GPCPD1: variants seen among roughly 807,000 people sequenced by gnomAD.
The protein encoded by GPCPD1 is glycerophosphocholine phosphodiesterase GPCPD1.
A neutral mutation model predicts 89.2 loss-of-function variants in GPCPD1; 29 were observed. That is an observed-to-expected ratio of 0.33 (90% confidence interval 0.24 to 0.44). GPCPD1 has a LOEUF of 0.44. GPCPD1 is among the 20% of genes least tolerant of loss of function. GPCPD1 has a pLI of 1.00. For missense variants in GPCPD1, 594 were observed against 808.9 expected, an observed-to-expected ratio of 0.73 and a Z score of 3.22; for synonymous variants, 258 against 266.3, an observed-to-expected ratio of 0.97 and a Z score of 0.30.
chr20:5,564,805 C>G (rs1010675610), intron 15 of GPCPD1, among the ~76,000 whole-genome samples: 1 of 152,140 alleles, frequency 6.6e-6, no homozygotes, highest in African/African-American at 2.4e-5. Context: ...CACGCCACTG[C>G]ACTCAGCCTA....
chr20:5,589,994 T>C lies in GPCPD1; in HGVS notation c.231+3333A>G, dbSNP rs568492976. Among the ~76,000 whole-genome samples the C allele has an allele frequency of 7.2e-5, 11 of 152,318 alleles. 1 individual carries two copies. In the South Asian group the frequency reaches 2.3e-3, roughly 32 times the overall value. On this transcript the variant is annotated intron_variant, in intron 4 of 19. Coordinates refer to ENST00000379019, the MANE Select transcript of GPCPD1 (RefSeq NM_019593.5). Reference sequence around the variant, plus strand: ...TATTAACAAAAATATTTTTAAAAATTTCTTCCCACAAGAATAAGTCTTAAT... The same window carrying C: ...TATTAACAAAAATATTTTTAAAAATCTCTTCCCACAAGAATAAGTCTTAAT...
In GPCPD1 at chr20:5,584,335, G is replaced by A; in HGVS notation, c.308-13C>T. 8.1e-7 allele frequency: 1 copy of A among 1,241,226 alleles called. No individual in the cohort carries two copies. The allele number at this position is 1,241,226 out of a possible 1,614,324, so 76.9% of individuals were successfully genotyped here. ...ATAATTTCGCTTTCTAGAATTTAAGGAAAATAGAAAATTTAGTTAAAACTC... is the reference window on the plus strand; with the variant it reads ...ATAATTTCGCTTTCTAGAATTTAAGAAAAATAGAAAATTTAGTTAAAACTC... On this transcript the variant is annotated splice_polypyrimidine_tract_variant and intron_variant, in intron 5 of 19. Transcript: ENST00000379019.
intron 6 of GPCPD1, among the ~76,000 whole-genome samples, chr20:5,582,164 C>T (rs1188526527): frequency 1.8e-5 from 2 of 110,208 alleles, no homozygotes; most frequent in East Asian, 2.8e-4. Context: ...CCAGCCTGGG[C>T]GACAGAGCGA....
Position 5,567,562 on chromosome 20 carries a change from TAAAA to T in GPCPD1, c.1150-6_1150-3del, listed in dbSNP as rs11475275. On this transcript the variant is annotated splice_region_variant and splice_polypyrimidine_tract_variant and intron_variant, in intron 12 of 19. Transcript: ENST00000379019. ...TTCAACTGGATCAGCATCAAATTTC[TAAAA>T]AAAAAAAAAAAAGAAAGAAAGAAAA... 561 of 1,295,344 alleles carry T rather than the reference TAAAA, an allele frequency of 4.3e-4. No homozygotes were observed. Among genetic ancestry groups the T allele is most frequent in the South Asian group, 1.4e-3 (87 of 63,498 alleles). The allele number at this position is 1,295,344 out of a possible 1,614,324, so 80.2% of individuals were successfully genotyped here. A position where few individuals can be genotyped will look rare whatever the true frequency, so the allele number is the denominator to read the frequency against.
At chr20:5,578,649 C>T in intron 7 of GPCPD1, 38 bp from the exon 8 acceptor site, 3 of 1,299,294 alleles carry the variant, frequency 2.3e-6, no homozygotes, top group Non-Finnish European at 3.3e-6. Flanking sequence ...CAAGAAGTGG[C>T]AGAAAAGAAA....
intron 14 of GPCPD1, 74 bp downstream of exon 14, chr20:5,566,658 GT>G: frequency 1.2e-6 from 1 of 845,138 alleles, no homozygotes; most frequent in South Asian, 1.4e-5. Flanking sequence ...TATCAAGTAT[GT>G]GCTAAAATCG....
chr20:5,567,383 AAC>A, intron 13 of GPCPD1, 98 bp downstream of exon 13: 1 of 1,350,856 alleles, frequency 7.4e-7, no homozygotes, highest in Non-Finnish European at 9.9e-7. Flanking sequence ...CATTAAATTT[AAC>A]AGTCATCCCC....
At position 5,574,235 on chromosome 20, in the gene GPCPD1, G is replaced by C. The variant is rs1369367080; in HGVS notation, c.1002-266C>G. The C allele has an allele frequency of 1.6e-5, 7 of 434,802 alleles. No individual in the cohort carries two copies. The East Asian group carries it at 3.1e-4, about 19-fold the overall frequency. The allele number at this position is 434,802 out of a possible 1,614,324, so 26.9% of individuals were successfully genotyped here. On this transcript the variant is annotated intron_variant, in intron 10 of 19. Transcript: ENST00000379019. ...GCCTTGTACCATGGACTTTTTTCTTGGAGACATGTAAAGTGATCAATAAAA... is the reference window on the plus strand; with the variant it reads ...GCCTTGTACCATGGACTTTTTTCTTCGAGACATGTAAAGTGATCAATAAAA...
Position 5,565,020 on chromosome 20 carries a change from C to T in GPCPD1, c.1326G>A (p.Lys442=). The change falls in exon 15 of 20, where the codon AAG becomes AAA. Residue 442 remains lysine, a synonymous_variant. Transcript: ENST00000379019. ...FSENQPFPSL[K]MVLESLPEDV... ...TTGGTTTTCCTCAATAACTTACCATCTTAAGAGAAGGAAATGGCTGATTTT... is the reference window on the plus strand; with the variant it reads ...TTGGTTTTCCTCAATAACTTACCATTTTAAGAGAAGGAAATGGCTGATTTT... The T allele has an allele frequency of 6.8e-7, 1 of 1,461,530 alleles. No homozygotes were observed. Among genetic ancestry groups the T allele is most frequent in the Non-Finnish European group, 9.6e-7 (1 of 1,041,402 alleles). The allele number at this position is 1,461,530 out of a possible 1,614,324, so 90.5% of individuals were successfully genotyped here. A position where few individuals can be genotyped will look rare whatever the true frequency, so the allele number is the denominator to read the frequency against.
Position 5,560,001 on chromosome 20 carries a change from A to C in GPCPD1, c.1471T>G (p.Leu491Val), listed in dbSNP as rs1341488353. ...LFLDIILKTV[L>V]ENSGKRRIVF... ...ATTCTCCTCTTCCCAGAATTTTCTA[A>C]AACAGTTTTTAAAATTATATCCAAA... The change falls in exon 17 of 20, where the codon TTA becomes GTA. Residue 491 changes from leucine (L) to valine (V), a missense_variant. Coordinates refer to ENST00000379019, the MANE Select transcript of GPCPD1 (RefSeq NM_019593.5). 2.5e-6 allele frequency: 4 copies of C among 1,576,800 alleles called. No individual in the cohort carries two copies. The highest frequency in any genetic ancestry group is 2.6e-6 in the Non-Finnish European group (3 of 1,153,978).
intron 11 of GPCPD1, among the ~76,000 whole-genome samples, 178 bp downstream of exon 11, chr20:5,573,737 C>T (rs914116113): frequency 6.6e-6 from 1 of 152,036 alleles, no homozygotes; most frequent in African/African-American, 2.4e-5. Flanking sequence ...GAACAAGACC[C>T]TGTCTCAAAA....
At chr20:5,566,452 A>G (rs1435933217) in intron 14 of GPCPD1, among the ~76,000 whole-genome samples, 2 of 152,206 alleles carry the variant, frequency 1.3e-5, no homozygotes, top group Admixed American at 6.5e-5. Flanking sequence ...TAGTTGATTT[A>G]CTTTCTACTT....
Position 5,610,890 on chromosome 20 carries a change from G to C in GPCPD1, c.-77C>G, listed in dbSNP as rs1189227259. ...TCCGCGTCGCCGCCGCCCCGCCCGA[G>C]AGCGAGGACCGCGGGCAGAGGTACC... On this transcript the variant is annotated 5_prime_UTR_variant, in exon 1 of 20. Coordinates refer to ENST00000379019, the MANE Select transcript of GPCPD1 (RefSeq NM_019593.5). The C allele has an allele frequency of 2.0e-5, 3 of 151,668 alleles. No individual in the cohort carries two copies. Among genetic ancestry groups the C allele is most frequent in the Non-Finnish European group, 4.4e-5 (3 of 67,874 alleles). 9.4% of individuals were successfully genotyped at this position (151,668 alleles called of 1,614,324 possible).
chr20:5,547,780 A>G lies in GPCPD1; in HGVS notation c.1900T>C (p.Leu634=). ...VEQLERLKQE[L]PELKSCLCPT... ...CACAAACAGCTCTTAAGCTCTGGCA[A>G]TTCCTGCTTCAGGCGTTCCAATTGC... The change falls in exon 20 of 20, where the codon TTG becomes CTG. Residue 634 remains leucine, a synonymous_variant. Coordinates refer to ENST00000379019, the MANE Select transcript of GPCPD1 (RefSeq NM_019593.5). 3 of 1,611,490 alleles carry G rather than the reference A, an allele frequency of 1.9e-6. No individual in the cohort carries two copies. The highest frequency in any genetic ancestry group is 2.5e-6 in the Non-Finnish European group (3 of 1,177,756).
At chr20:5,603,737 CAACTTA>C (rs1027218024) in intron 2 of GPCPD1, among the ~76,000 whole-genome samples, 2 of 150,796 alleles carry the variant, frequency 1.3e-5, no homozygotes, top group African/African-American at 4.9e-5. Flanking sequence ...ATTGTTTCAC[CAACTTA>C]TTCTTTTTTT....
intron 19 of GPCPD1, among the ~76,000 whole-genome samples, chr20:5,551,137 T>C (rs560746031): frequency 6.6e-6 from 1 of 152,272 alleles, no homozygotes; most frequent in East Asian, 1.9e-4. Flanking sequence ...CTACAGTGAG[T>C]GTAGAACCAG....
chr20:5,544,652 A>G lies in GPCPD1; in HGVS notation c.*3009T>C, dbSNP rs1461260359. On this transcript the variant is annotated 3_prime_UTR_variant, in exon 20 of 20. Transcript: ENST00000379019. ...GTTTGAGAACATGGGATTCAGAGTC[A>G]CAAAACCCACATCCTAGTCCCAACC... The G allele has an allele frequency of 6.6e-6, 1 of 152,248 alleles. No homozygotes were observed. The highest frequency in any genetic ancestry group is 1.5e-5 in the Non-Finnish European group (1 of 68,054). 9.4% of individuals were successfully genotyped at this position (152,248 alleles called of 1,614,324 possible).
chr20:5,601,240 C>T (rs1042668598), intron 2 of GPCPD1, among the ~76,000 whole-genome samples: 5 of 151,848 alleles, frequency 3.3e-5, no homozygotes, highest in African/African-American at 4.8e-5. Flanking sequence ...CTGTGTTGTG[C>T]ACCTATAGTC....
intron 1 of GPCPD1, among the ~76,000 whole-genome samples, chr20:5,607,033 T>C (rs1980631471): frequency 6.6e-6 from 1 of 152,178 alleles, no homozygotes; most frequent in African/African-American, 2.4e-5. Flanking sequence ...ATGCCTGTAA[T>C]CCCAGCACTT....
Sources: gnomAD v4.1 joint callset for allele counts (sites outside exome capture counted in the v4.1 genomes callset) on GRCh38, gnomAD v4.1.1 for gene constraint, MANE v1.5 for transcripts, NCBI Gene and HGNC (gene_info 2026-07-23, HGNC 2026-07-21) for gene names.